WDR41: variants seen among roughly 807,000 people sequenced by gnomAD.
WDR41 encodes the protein WD repeat-containing protein 41.
Under a neutral mutation model 69.3 loss-of-function variants are expected in WDR41, and 63 were observed. That is an observed-to-expected ratio of 0.91 (90% CI 0.74 to 1.12). The LOEUF is 1.12. Ranked by LOEUF, WDR41 falls within the 50% of genes most tolerant of loss-of-function variation. The pLI is 0.00. For synonymous variants in WDR41, 185 were observed against 192.1 expected (o/e 0.96, Z 0.31); for missense variants, 543 against 534.5 (o/e 1.02, Z -0.16).
Position 77,492,306 on chromosome 5 carries a change from G to A in WDR41, c.-86C>T. The A allele has an allele frequency of 6.4e-7, 1 of 1,560,496 alleles. No homozygotes were observed. Among genetic ancestry groups the A allele is most frequent in the Non-Finnish European group, 8.7e-7 (1 of 1,146,454 alleles). ...TCGGCCTCCTCCTTCCTCCCCGGCTGCAGCGCAACTGAGACGCTAATACTT... is the reference window on the plus strand; with the variant it reads ...TCGGCCTCCTCCTTCCTCCCCGGCTACAGCGCAACTGAGACGCTAATACTT... On this transcript the variant is annotated 5_prime_UTR_variant, in exon 1 of 13. Transcript: ENST00000296679.
chr5:77,442,978 C>T (rs1232685489), intron 8 of WDR41, among the ~76,000 whole-genome samples: 1 of 141,580 alleles, frequency 7.1e-6, no homozygotes, highest in East Asian at 2.1e-4. Context: ...AAATGTACAA[C>T]TGCTAGTCTT....
chr5:77,449,271 C>T (rs1799527790), intron 8 of WDR41, among the ~76,000 whole-genome samples: 1 of 152,166 alleles, frequency 6.6e-6, no homozygotes, highest in Non-Finnish European at 1.5e-5. Context: ...GACCCATTTT[C>T]TGCAGACTTT....
chr5:77,437,297 GGA>G lies in WDR41; in HGVS notation c.1093+37_1093+38del, dbSNP rs1374590929. The G allele has an allele frequency of 8.4e-6, 13 of 1,550,836 alleles. No homozygotes were observed. In the East Asian group the frequency reaches 9.0e-5, roughly 11 times the overall value. On this transcript the variant is annotated intron_variant, in intron 11 of 12. Coordinates refer to ENST00000296679, the MANE Select transcript of WDR41 (RefSeq NM_018268.4). Reference sequence around the variant, plus strand: ...CTCCTGCCTTTCACGTGAGAAAAAAGGAGAGAAAAAGACTACCTTTTTGAGAG... The same window carrying G: ...CTCCTGCCTTTCACGTGAGAAAAAAGGAGAAAAAGACTACCTTTTTGAGAG...
intron 1 of WDR41, among the ~76,000 whole-genome samples, chr5:77,583,627 T>A (rs1052932812): frequency 6.6e-6 from 1 of 152,084 alleles, no homozygotes; most frequent in African/African-American, 2.4e-5. Flanking sequence ...TTAAAAATTT[T>A]AAAAAACTAC....
At chr5:77,483,468 T>C (rs1349052433) in intron 2 of WDR41, among the ~76,000 whole-genome samples, 2 of 144,358 alleles carry the variant, frequency 1.4e-5, no homozygotes, top group Non-Finnish European at 3.0e-5. Context: ...CCCCTACGAG[T>C]TACCTGAATA....
chr5:77,576,695 A>T (rs908469970), intron 1 of WDR41, among the ~76,000 whole-genome samples: 2 of 151,612 alleles, frequency 1.3e-5, no homozygotes, highest in African/African-American at 4.9e-5. Context: ...CTCACATTTC[A>T]CACTCTTTCT....
chr5:77,499,793 AAT>A (rs1308171724), intron 1 of WDR41, among the ~76,000 whole-genome samples: 2 of 152,172 alleles, frequency 1.3e-5, no homozygotes, highest in African/African-American at 4.8e-5. Flanking sequence ...CTCTTAATCT[AAT>A]TAGTGTAAAC....
chr5:77,468,859 G>A (rs1263489691), intron 2 of WDR41, among the ~76,000 whole-genome samples: 10 of 152,024 alleles, frequency 6.6e-5, no homozygotes, highest in South Asian at 2.1e-4. Context: ...ACAGTAAGAC[G>A]CAGGATCTAA....
chr5:77,596,920 C>G (rs1744238534), intron 1 of WDR41, among the ~76,000 whole-genome samples: 1 of 151,786 alleles, frequency 6.6e-6, no homozygotes. Flanking sequence ...GAGTTCGAGA[C>G]CAGCCTGGGC....
In WDR41 at chr5:77,438,223, C is replaced by G; in HGVS notation, c.1004+17G>C. 1 of 1,613,548 alleles carries G rather than the reference C, an allele frequency of 6.2e-7. No individual in the cohort carries two copies. The highest frequency in any genetic ancestry group is 8.5e-7 in the Non-Finnish European group (1 of 1,179,648). On this transcript the variant is annotated intron_variant, in intron 10 of 12. Coordinates refer to ENST00000296679, the MANE Select transcript of WDR41 (RefSeq NM_018268.4). Reference sequence around the variant, plus strand: ...TGACTTGCTTTCATCTATTGCAGAACAGATGGGAACTTGTACCTGTTTGGA... The same window carrying G: ...TGACTTGCTTTCATCTATTGCAGAAGAGATGGGAACTTGTACCTGTTTGGA...
intron 2 of WDR41, among the ~76,000 whole-genome samples, chr5:77,468,700 C>A (rs1031629302): frequency 2.0e-5 from 3 of 152,094 alleles, no homozygotes; most frequent in African/African-American, 7.2e-5. Flanking sequence ...ACATAAGGCA[C>A]TGAAAAAATA....
In WDR41 at chr5:77,579,052, CA is replaced by C. The variant is rs558044335; in HGVS notation, c.42+41426del. Reference sequence around the variant, plus strand: ...TCCATAATAGATTTGAACTGGCAGACAAAAAAACAGTGAACTTGAAGGTAAA... The same window carrying C: ...TCCATAATAGATTTGAACTGGCAGACAAAAAACAGTGAACTTGAAGGTAAA... On this transcript the variant is annotated intron_variant, in intron 1 of 5. Transcript: ENST00000509971. 2.2e-3 allele frequency among the ~76,000 whole-genome samples: 326 copies of C among 151,144 alleles called. 2 individuals are homozygous for C. The highest frequency in any genetic ancestry group is 7.7e-3 in the African/African-American group (317 of 41,184).
chr5:77,458,200 T>C (rs985672791), intron 5 of WDR41, among the ~76,000 whole-genome samples: 2 of 152,094 alleles, frequency 1.3e-5, no homozygotes, highest in Non-Finnish European at 1.5e-5. Flanking sequence ...TAGATAGAAG[T>C]ATATATAGTA....
At chr5:77,613,314 C>CA (rs1744604701) in intron 1 of WDR41, among the ~76,000 whole-genome samples, 1 of 152,000 alleles carries the variant, frequency 6.6e-6, no homozygotes, top group Admixed American at 6.6e-5. Flanking sequence ...CATATGGAAC[C>CA]AAAAAAGAGC....
At chr5:77,549,884 T>A (rs770180422) in intron 1 of WDR41, among the ~76,000 whole-genome samples, 1 of 152,086 alleles carries the variant, frequency 6.6e-6, no homozygotes, top group Non-Finnish European at 1.5e-5. Flanking sequence ...ATGGTACTAG[T>A]ACAAAAACAG....
intron 1 of WDR41, among the ~76,000 whole-genome samples, chr5:77,498,755 G>A (rs1254747958): frequency 1.3e-5 from 2 of 151,184 alleles, no homozygotes; most frequent in Admixed American, 1.3e-4. Context: ...GGAGCTAGAG[G>A]CTGCAGGAAG....
intron 1 of WDR41, among the ~76,000 whole-genome samples, chr5:77,501,416 C>A (rs1423025108): frequency 6.6e-6 from 1 of 152,266 alleles, no homozygotes; most frequent in African/African-American, 2.4e-5. Context: ...GCAAGGCCTA[C>A]TGCCTCTATA....
chr5:77,567,267 A>G (rs1377284762), intron 1 of WDR41, among the ~76,000 whole-genome samples: 1 of 152,188 alleles, frequency 6.6e-6, no homozygotes, highest in African/African-American at 2.4e-5. Flanking sequence ...TCCTCAATGG[A>G]GCTTTTATTA....
intron 2 of WDR41, among the ~76,000 whole-genome samples, chr5:77,471,842 C>T (rs2111980286): frequency 6.6e-6 from 1 of 152,238 alleles, no homozygotes; most frequent in African/African-American, 2.4e-5. Context: ...CGAATTCTAC[C>T]AGAGGTACAA....
Sources: allele counts gnomAD v4.1 joint callset (sites outside exome capture counted in the v4.1 genomes callset), GRCh38; gene constraint gnomAD v4.1.1; transcripts MANE v1.5; gene names NCBI Gene and HGNC (gene_info 2026-07-23, HGNC 2026-07-21).